Variants in OXR1 observed in about 807,000 individuals in gnomAD.
OXR1 encodes oxidation resistance 1.
A neutral mutation model predicts 104.6 loss-of-function variants in OXR1; 41 were observed. That is an observed-to-expected ratio of 0.39 (90% confidence interval 0.31 to 0.51). The LOEUF (loss-of-function observed/expected upper bound fraction) is 0.51. Ranked by LOEUF, OXR1 falls within the 20% of genes least tolerant of loss-of-function variation. The pLI is 0.77. For missense variants in OXR1, 955 were observed against 1,031.9 expected, an observed-to-expected ratio of 0.93 and a Z score of 1.02; for synonymous variants, 348 against 348.4, an observed-to-expected ratio of 1.00 and a Z score of 0.01.
chr8:106,548,884 C>T (rs1432539171), intron 3 of OXR1, among the ~76,000 whole-genome samples: 1 of 152,156 alleles, frequency 6.6e-6, no homozygotes, highest in East Asian at 1.9e-4. Context: ...CCATTTCTGG[C>T]AGCCTAAAAC....
intron 3 of OXR1, chr8:106,605,103 A>C (rs1294649746): frequency 6.6e-6 from 1 of 152,204 alleles, no homozygotes; most frequent in Non-Finnish European, 1.5e-5. Context: ...TTTAATTTGC[A>C]CTGGGGCAAA....
intron 3 of OXR1, among the ~76,000 whole-genome samples, chr8:106,615,876 G>A (rs546170351): frequency 9.9e-5 from 15 of 152,056 alleles, no homozygotes; most frequent in African/African-American, 2.7e-4. Context: ...GAGAATATTC[G>A]TTGAAGCACT....
intron 2 of OXR1, among the ~76,000 whole-genome samples, chr8:106,379,474 A>AT (rs1446211463): frequency 4.7e-5 from 7 of 147,492 alleles, no homozygotes; most frequent in African/African-American, 1.3e-4. Context: ...CACTGGACCA[A>AT]TTTTTTGTAT....
chr8:106,328,094 T>C (rs1814550584), intron 1 of OXR1, among the ~76,000 whole-genome samples: 1 of 152,212 alleles, frequency 6.6e-6, no homozygotes, highest in East Asian at 1.9e-4. Context: ...CTCCTGAGTT[T>C]AGCATCATTT....
intron 6 of OXR1, among the ~76,000 whole-genome samples, chr8:106,691,986 T>TAC (rs111447939): frequency 0.047 from 6,973 of 149,454 alleles, 210 homozygotes; most frequent in African/African-American, 0.078. Flanking sequence ...TCTATATATA[T>TAC]ACACACACAC....
intron 6 of OXR1, among the ~76,000 whole-genome samples, chr8:106,688,087 C>T (rs150020307): frequency 6.2e-4 from 95 of 152,166 alleles, no homozygotes; most frequent in African/African-American, 2.1e-3. Context: ...AATATAGAAA[C>T]CTGCTTTTGT....
chr8:106,686,811 T>C (rs1014740626), intron 6 of OXR1, among the ~76,000 whole-genome samples: 2 of 152,214 alleles, frequency 1.3e-5, no homozygotes, highest in Non-Finnish European at 2.9e-5. Flanking sequence ...CTTAAAAATA[T>C]TGCATTTTGA....
intron 3 of OXR1, among the ~76,000 whole-genome samples, chr8:106,675,662 G>T (rs1827511270): frequency 6.6e-6 from 1 of 152,194 alleles, no homozygotes; most frequent in South Asian, 2.1e-4. Flanking sequence ...TGGTCCAAGA[G>T]ACTGTTTGCT....
intron 2 of OXR1, among the ~76,000 whole-genome samples, chr8:106,364,672 A>T (rs768449585): frequency 6.6e-6 from 1 of 152,160 alleles, no homozygotes; most frequent in Non-Finnish European, 1.5e-5. Flanking sequence ...AAATGCAGAA[A>T]GTTTTCTTTG....
intron 3 of OXR1, among the ~76,000 whole-genome samples, chr8:106,671,883 G>T (rs577457479): frequency 3.4e-4 from 52 of 150,762 alleles, no homozygotes; most frequent in African/African-American, 1.2e-3. Flanking sequence ...ACGAGTTAAT[G>T]AGTGCAGCAC....
chr8:106,523,586 G>A (rs1430434187), intron 3 of OXR1, among the ~76,000 whole-genome samples: 2 of 151,942 alleles, frequency 1.3e-5, no homozygotes, highest in Non-Finnish European at 2.9e-5. Context: ...AACTCACTAA[G>A]TTTATTTCAT....
At chr8:106,537,684 A>AACGAAG (rs1554589912) in intron 3 of OXR1, among the ~76,000 whole-genome samples, 2 of 150,730 alleles carry the variant, frequency 1.3e-5, no homozygotes, top group East Asian at 3.9e-4. Flanking sequence ...AGTATTTTAA[A>AACGAAG]AAGAAGAAGA....
chr8:106,374,570 A>G (rs1229240991), intron 2 of OXR1, among the ~76,000 whole-genome samples: 1 of 152,210 alleles, frequency 6.6e-6, no homozygotes, highest in Non-Finnish European at 1.5e-5. Context: ...TACAGAGGTC[A>G]CATAAATGAT....
intron 3 of OXR1, among the ~76,000 whole-genome samples, chr8:106,642,959 A>G (rs180847560): frequency 2.0e-3 from 303 of 152,286 alleles, no homozygotes; most frequent in African/African-American, 6.9e-3. Flanking sequence ...GTGGATTCAT[A>G]CTTCTTTAGA....
At chr8:106,607,541 C>A (rs982898985) in intron 3 of OXR1, among the ~76,000 whole-genome samples, 14 of 152,204 alleles carry the variant, frequency 9.2e-5, no homozygotes, top group Non-Finnish European at 1.9e-4. Context: ...TCCTGCCTTC[C>A]TTCACTGATT....
rs374649773 is a variant in OXR1, at chr8:106,475,203, G to A, written c.24-43740G>A. On this transcript the variant is annotated intron_variant, in intron 2 of 16. Transcript: ENST00000517566. ...AAACTTAACTAATAGCCTACTGCTG[G>A]CCAGAAGCCTTACTTATAACATAAA... 2.6e-5 allele frequency among the ~76,000 whole-genome samples: 4 copies of A among 151,948 alleles called. No homozygotes were observed. In the East Asian group the frequency reaches 5.8e-4, roughly 22 times the overall value.
At chr8:106,321,730 C>T (rs1814225665) in intron 1 of OXR1, among the ~76,000 whole-genome samples, 1 of 152,122 alleles carries the variant, frequency 6.6e-6, no homozygotes, top group East Asian at 1.9e-4. Context: ...TTTTGCTTCC[C>T]TTCATAAGGC....
rs78643412 is a variant in OXR1, at chr8:106,523,076, C to T, written c.220+3937C>T. ...CTTGCAATTGTAGGGCTGAGCTACC[C>T]GTTCCTTGCTTGCTGTCAACCAGGG... On this transcript the variant is annotated intron_variant, in intron 3 of 16. Coordinates refer to ENST00000517566, the MANE Select transcript of OXR1 (RefSeq NM_001198533.2). Among the ~76,000 whole-genome samples the T allele has an allele frequency of 4.5e-3, 691 of 152,260 alleles. 4 individuals are homozygous for T. Among genetic ancestry groups the T allele is most frequent in the African/African-American group, 0.016 (645 of 41,530 alleles).
At chr8:106,445,027 C>A (rs1789967) in intron 2 of OXR1, among the ~76,000 whole-genome samples, 56,149 of 151,814 alleles carry the variant, frequency 0.37, 11,017 homozygotes, top group East Asian at 0.78. Context: ...GAGAGTTCTT[C>A]TTCTAGTGTT....
Sources: gnomAD v4.1 joint callset for allele counts (sites outside exome capture counted in the v4.1 genomes callset) on GRCh38, gnomAD v4.1.1 for gene constraint, MANE v1.5 for transcripts, NCBI Gene and HGNC (gene_info 2026-07-23, HGNC 2026-07-21) for gene names.